Variants in ACOT11 observed in about 807,000 individuals in gnomAD.
ACOT11 encodes acyl-coenzyme A thioesterase 11.
ACOT11 carries 69 observed loss-of-function variants against 77.5 expected under a neutral mutation model. That is an observed-to-expected ratio of 0.89 (90% CI 0.73 to 1.09). The LOEUF is 1.09. ACOT11 is among the 50% of genes least tolerant of loss of function. The probability of loss-of-function intolerance (pLI) is 0.00; values close to 1 mark genes in which losing one functional copy is unlikely to be tolerated. For missense variants in ACOT11, 766 were observed against 813.7 expected (o/e 0.94, Z 0.71); for synonymous variants, 279 against 313.0 (o/e 0.89, Z 1.15).
At chr1:54,619,454 T>A (rs556376587) in intron 15 of ACOT11, among the ~76,000 whole-genome samples, 1 of 152,288 alleles carries the variant, frequency 6.6e-6, no homozygotes, top group East Asian at 1.9e-4. Flanking sequence ...TGAAACAGAT[T>A]GCATGGTAGT....
rs1180021250 is a variant in ACOT11, at chr1:54,610,118, G to A, written c.*1006G>A. Reference sequence around the variant, plus strand: ...GGGTTGCTTTATAAATGTGCCTGGTGCATGAGAAACTCTTGTTTCAGCTCT... The same window carrying A: ...GGGTTGCTTTATAAATGTGCCTGGTACATGAGAAACTCTTGTTTCAGCTCT... On this transcript the variant is annotated 3_prime_UTR_variant, in exon 16 of 16. Coordinates refer to ENST00000343744, the MANE Select transcript of ACOT11 (RefSeq NM_147161.4). The A allele has an allele frequency of 2.1e-6, 3 of 1,434,042 alleles. No individual in the cohort carries two copies. The highest frequency in any genetic ancestry group is 2.9e-5 in the African/African-American group (2 of 69,660). 88.8% of individuals were successfully genotyped at this position (1,434,042 alleles called of 1,614,324 possible). A position where few individuals can be genotyped will look rare whatever the true frequency, so the allele number is the denominator to read the frequency against.
At chr1:54,548,559 C>T (rs920832630) in intron 1 of ACOT11, 48 of 631,714 alleles carry the variant, frequency 7.6e-5, no homozygotes, top group Middle Eastern at 3.6e-4. Context: ...AGATCCCCCA[C>T]GGGCTGGCTG....
chr1:54,629,568 G>T (rs909983615), intron 15 of ACOT11, among the ~76,000 whole-genome samples: 1 of 132,488 alleles, frequency 7.5e-6, no homozygotes, highest in Admixed American at 7.7e-5. Flanking sequence ...TTACAGGCGC[G>T]AGCCCCCGTG....
exon 17 of ACOT11, chr1:54,638,927 A>G (rs1644345681): frequency 6.6e-6 from 1 of 152,226 alleles, no homozygotes; most frequent in African/African-American, 2.4e-5. Context: ...GCAGTGGTGC[A>G]TGCTTGTAAT....
rs549265919 is a variant in ACOT11 at position 54,610,088 on chromosome 1, T to C, written c.*976T>C. The C allele has an allele frequency of 3.5e-6, 5 of 1,435,198 alleles. No homozygotes were observed. In the African/African-American group the frequency reaches 7.2e-5, roughly 21 times the overall value. The allele number at this position is 1,435,198 out of a possible 1,614,324, so 88.9% of individuals were successfully genotyped here. A position where few individuals can be genotyped will look rare whatever the true frequency, so the allele number is the denominator to read the frequency against. ...TGTCAACCCAGTTTTGGGCTCCAGG[T>C]GGATGGGTTGCTTTATAAATGTGCC... On this transcript the variant is annotated 3_prime_UTR_variant, in exon 16 of 16. Coordinates refer to ENST00000343744, the MANE Select transcript of ACOT11 (RefSeq NM_147161.4).
intron 1 of ACOT11, chr1:54,572,941 T>C: frequency 4.1e-6 from 4 of 985,390 alleles, no homozygotes; most frequent in Non-Finnish European, 3.6e-6. Context: ...ATTTATAAAG[T>C]ACAGTTTTCA....
chr1:54,634,052 A>G lies in ACOT11; in HGVS notation c.1783-636A>G, dbSNP rs192470659. Among the ~76,000 whole-genome samples, 12 of 152,298 alleles carry G rather than the reference A, an allele frequency of 7.9e-5. No homozygotes were observed. The East Asian group carries it at 2.1e-3, about 27-fold the overall frequency. On this transcript the variant is annotated intron_variant, in intron 16 of 16. Transcript: ENST00000371316. ...AACTCCTTATTTAGATCAAATCGCT[A>G]CTATGATAGGGATTGGGAGAACTCG...
chr1:54,567,347 A>C (rs1301786152), intron 1 of ACOT11, among the ~76,000 whole-genome samples: 2 of 146,724 alleles, frequency 1.4e-5, no homozygotes. Context: ...GGCGCGATCT[A>C]GGCTCACTGC....
At chr1:54,553,269 A>G (rs1305699654) in intron 1 of ACOT11, among the ~76,000 whole-genome samples, 1 of 151,468 alleles carries the variant, frequency 6.6e-6, no homozygotes, top group Non-Finnish European at 1.5e-5. Context: ...TAATCCCAAC[A>G]CTTTGGGAGG....
In ACOT11 at chr1:54,609,597, C is replaced by T. The variant is rs556361645; in HGVS notation, c.*485C>T. 2 of 1,613,292 alleles carry T rather than the reference C, an allele frequency of 1.2e-6. No homozygotes were observed. The highest frequency in any genetic ancestry group is 1.3e-5 in the African/African-American group (1 of 75,078). On this transcript the variant is annotated 3_prime_UTR_variant, in exon 16 of 16. Coordinates refer to ENST00000343744, the MANE Select transcript of ACOT11 (RefSeq NM_147161.4). ...AGCACCTCCTCAGGCCAGCCTGGTG[C>T]CACAGTCACGTGGGGGAAGACCTCA... is the stretch of plus-strand genomic sequence containing the variant.
intron 1 of ACOT11, among the ~76,000 whole-genome samples, chr1:54,558,185 A>G (rs1429973096): frequency 6.6e-6 from 1 of 152,218 alleles, no homozygotes; most frequent in Non-Finnish European, 1.5e-5. Flanking sequence ...CCAATGATAT[A>G]TATAGCCTGT....
chr1:54,612,551 A>G, downstream of ACOT11: 1 of 1,614,068 alleles, frequency 6.2e-7, no homozygotes, highest in Non-Finnish European at 8.5e-7. Context: ...AAGACCGTAC[A>G]GGGAAGGTGA....
chr1:54,608,149 C>T, intron 15 of ACOT11, 81 bp downstream of exon 15: 2 of 1,463,028 alleles, frequency 1.4e-6, no homozygotes, highest in African/African-American at 2.8e-5. Context: ...CACTGCTGGG[C>T]TAGGATAGTC....
At chr1:54,612,526 C>A (rs185807108), downstream of ACOT11, 170 of 1,614,004 alleles carry the variant, frequency 1.1e-4, no homozygotes, top group East Asian at 3.8e-3. Context: ...TGGGGCCAGG[C>A]AGCCCGCACC....
chr1:54,607,358 G>A lies in ACOT11; in HGVS notation c.1502+93G>A. ...TCCCAGGGAAGGGCATCAGCCTGGA[G>A]CCAGAGCTCTGCTTCCCATTGGCTG... On this transcript the variant is annotated intron_variant, in intron 14 of 15. Coordinates refer to ENST00000343744, the MANE Select transcript of ACOT11 (RefSeq NM_147161.4). The surrounding 1 kb of genome is among the most constrained non-coding windows in gnomAD (Gnocchi z 4.5). 1.3e-6 allele frequency: 2 copies of A among 1,569,052 alleles called. No homozygotes were observed. The highest frequency in any genetic ancestry group is 1.7e-6 in the Non-Finnish European group (2 of 1,152,886).
intron 8 of ACOT11, among the ~76,000 whole-genome samples, chr1:54,600,249 T>G (rs987063819): frequency 5.9e-5 from 9 of 152,188 alleles, no homozygotes; most frequent in Admixed American, 6.6e-5. Flanking sequence ...TAGTCCAGAT[T>G]CCAGGAATCT....
At position 54,609,025 on chromosome 1, in the gene ACOT11, CTCT is replaced by C; in HGVS notation, c.1699_1701del (p.Ser567del). ...TGACCACCAACGTGGCCGGCCTCTC[CTCT>C]GAGTTCTACACCACCTTCAAGGCTT... On this transcript the variant is annotated inframe_deletion, in exon 16 of 16. Transcript: ENST00000343744. The C allele has an allele frequency of 6.2e-7, 1 of 1,613,894 alleles. No individual in the cohort carries two copies. The highest frequency in any genetic ancestry group is 1.1e-5 in the South Asian group (1 of 91,064).
At chr1:54,619,759 C>T (rs772147983) in intron 15 of ACOT11, 70 of 1,196,734 alleles carry the variant, frequency 5.8e-5, no homozygotes, top group Non-Finnish European at 8.0e-5. Context: ...GACATGTAAA[C>T]AGCCATCATG....
In ACOT11 at chr1:54,573,782, C is replaced by G. The variant is rs967577548; in HGVS notation, c.34-10873C>G. On this transcript the variant is annotated intron_variant, in intron 1 of 15. Coordinates refer to ENST00000343744, the MANE Select transcript of ACOT11 (RefSeq NM_147161.4). ...CGGTGACTCACACCTGCAATCCTAG[C>G]ACTTTGGGAGGCCGAGGCAGGTGGA... is the stretch of plus-strand genomic sequence containing the variant. Among the ~76,000 whole-genome samples, 5 of 152,256 alleles carry G rather than the reference C, an allele frequency of 3.3e-5. No homozygotes were observed. In the South Asian group the frequency reaches 8.3e-4, roughly 25 times the overall value.
Sources: gnomAD v4.1 joint callset for allele counts (sites outside exome capture counted in the v4.1 genomes callset) on GRCh38, gnomAD v4.1.1 for gene constraint, Gnocchi (gnomAD v3.1) non-coding constraint, MANE v1.5 for transcripts, NCBI Gene and HGNC (gene_info 2026-07-23, HGNC 2026-07-21) for gene names.